The following ADARB2 variants were observed in gnomAD, a reference collection of about 807,000 sequenced individuals.
ADARB2 encodes adenosine deaminase RNA specific B2 (inactive), also known as inactive double-stranded RNA-specific editase B2.
In ADARB2, 25 loss-of-function variants were observed where a neutral mutation model predicts 62.2. The ratio of observed to expected loss-of-function variants is 0.40; its 90% confidence interval spans 0.29 to 0.56. The LOEUF (loss-of-function observed/expected upper bound fraction) is 0.56. Among genes scored for constraint, ADARB2 ranks in the 20% least tolerant of loss-of-function variants. ADARB2 has a pLI of 0.43. For missense variants in ADARB2, 1,071 were observed against 1,077.4 expected (o/e 0.99, Z 0.08); for synonymous variants, 572 against 500.8 (o/e 1.14, Z -1.90).
At chr10:1,663,224 G>A (rs1236754314) in intron 1 of ADARB2, among the ~76,000 whole-genome samples, 1 of 152,230 alleles carries the variant, frequency 6.6e-6, no homozygotes, top group African/African-American at 2.4e-5. Context: ...CTTGTACACA[G>A]TTTGTCCTAC....
At chr10:1,473,848 A>G (rs973214186) in intron 1 of ADARB2, among the ~76,000 whole-genome samples, 16 of 152,220 alleles carry the variant, frequency 1.1e-4, no homozygotes, top group African/African-American at 3.9e-4. Context: ...CCAGGATGGA[A>G]AGTGTAAGAA....
intron 1 of ADARB2, among the ~76,000 whole-genome samples, chr10:1,510,991 T>G (rs976103955): frequency 1.3e-5 from 2 of 152,224 alleles, no homozygotes; most frequent in African/African-American, 4.8e-5. Context: ...TAGCTGGGAC[T>G]ATAGGTGCAT....
At chr10:1,343,434 T>A (rs111716009) in intron 3 of ADARB2, among the ~76,000 whole-genome samples, 3,623 of 152,290 alleles carry the variant, frequency 0.024, 83 homozygotes, top group East Asian at 0.11. Flanking sequence ...GGAATGTAGA[T>A]TAGCTCGGCC....
intron 1 of ADARB2, among the ~76,000 whole-genome samples, chr10:1,643,439 A>G (rs1355473356): frequency 6.6e-6 from 1 of 152,242 alleles, no homozygotes; most frequent in Non-Finnish European, 1.5e-5. Context: ...CTGGAGGGCT[A>G]GAGGCCACTC....
At chr10:1,519,365 A>G (rs1332383437) in intron 1 of ADARB2, among the ~76,000 whole-genome samples, 1 of 152,214 alleles carries the variant, frequency 6.6e-6, no homozygotes, top group Non-Finnish European at 1.5e-5. Flanking sequence ...ATACACATGC[A>G]TTCTGTGTAA....
At chr10:1,496,620 T>TTCA (rs542628077) in intron 1 of ADARB2, among the ~76,000 whole-genome samples, 49 of 151,878 alleles carry the variant, frequency 3.2e-4, no homozygotes, top group East Asian at 2.9e-3. Context: ...TTATCATCAT[T>TTCA]TCATCATCAT....
intron 1 of ADARB2, among the ~76,000 whole-genome samples, chr10:1,632,852 G>T (rs7073815): frequency 0.27 from 40,808 of 152,104 alleles, 5,737 homozygotes; most frequent in African/African-American, 0.34. Flanking sequence ...GCTGCCCAGG[G>T]GGCTGGTCAA....
intron 7 of ADARB2, among the ~76,000 whole-genome samples, chr10:1,207,162 C>T (rs1452857640): frequency 2.0e-5 from 3 of 152,068 alleles, no homozygotes; most frequent in African/African-American, 4.8e-5. Flanking sequence ...GCCTGGCCAA[C>T]GTGGCGAAAC....
chr10:1,516,316 G>T (rs1020657639), intron 1 of ADARB2, among the ~76,000 whole-genome samples: 1 of 152,182 alleles, frequency 6.6e-6, no homozygotes, highest in Non-Finnish European at 1.5e-5. Context: ...GCTCTGACAG[G>T]TGTGTTTAAC....
intron 1 of ADARB2, among the ~76,000 whole-genome samples, chr10:1,505,163 A>T (rs1831825056): frequency 6.6e-6 from 1 of 151,974 alleles, no homozygotes; most frequent in South Asian, 2.1e-4. Flanking sequence ...CACGCAAAAC[A>T]CACATGAACA....
intron 1 of ADARB2, among the ~76,000 whole-genome samples, chr10:1,544,985 A>ACACACACACACACACACACC (rs10523350): frequency 1.3e-5 from 2 of 151,874 alleles, no homozygotes; most frequent in African/African-American, 4.8e-5. Flanking sequence ...ACACACACAC[A>ACACACACACACACACACACC]ATGTCCCTTG....
In ADARB2 at chr10:1,363,040, C is replaced by A; in HGVS notation, c.1065G>T (p.Thr355=). The A allele has an allele frequency of 1.4e-6, 2 of 1,398,540 alleles. No individual in the cohort carries two copies. The highest frequency in any genetic ancestry group is 9.3e-7 in the Non-Finnish European group (1 of 1,075,048). The allele number at this position is 1,398,540 out of a possible 1,614,324, so 86.6% of individuals were successfully genotyped here. A position where few individuals can be genotyped will look rare whatever the true frequency, so the allele number is the denominator to read the frequency against. ...CCGCGCCCCTCACCTGCGGCATTGGCGTCCTCCTGGCCCTGCCGGGCGCGT... is the reference window on the plus strand; with the variant it reads ...CCGCGCCCCTCACCTGCGGCATTGGAGTCCTCCTGGCCCTGCCGGGCGCGT... ...PGHAPGRARR[T]PMPQEFADSI... Residue 355 remains threonine, a synonymous_variant, in exon 3 of 10, where the codon ACG becomes ACT. Transcript: ENST00000381312.
At chr10:1,455,867 G>A (rs931068070) in intron 1 of ADARB2, among the ~76,000 whole-genome samples, 7 of 152,072 alleles carry the variant, frequency 4.6e-5, no homozygotes, top group African/African-American at 1.7e-4. Context: ...ACACAAATAC[G>A]TCTTCCATGA....
At chr10:1,630,956 AAAACAAACAAAC>A (rs57053077) in intron 1 of ADARB2, among the ~76,000 whole-genome samples, 2,291 of 149,474 alleles carry the variant, frequency 0.015, 33 homozygotes, top group East Asian at 0.041. Context: ...CTCCTTCTCA[AAAACAAACAAAC>A]AAACAAACAA....
At chr10:1,559,360 C>G (rs946786622) in intron 1 of ADARB2, among the ~76,000 whole-genome samples, 5 of 152,108 alleles carry the variant, frequency 3.3e-5, no homozygotes, top group Non-Finnish European at 7.3e-5. Context: ...TGCTAACGTG[C>G]GTGGTGAGGT....
intron 5 of ADARB2, among the ~76,000 whole-genome samples, chr10:1,241,079 T>G (rs1461228716): frequency 2.0e-5 from 3 of 152,222 alleles, no homozygotes; most frequent in Admixed American, 2.0e-4. Context: ...GACAACGTGA[T>G]GAAACCCCGT....
chr10:1,511,842 C>T (rs558359024), intron 1 of ADARB2, among the ~76,000 whole-genome samples: 10 of 148,384 alleles, frequency 6.7e-5, no homozygotes, highest in South Asian at 4.4e-4. Context: ...ACTAAGACAT[C>T]GATGCTGTCT....
At chr10:1,358,164 A>T (rs918701792) in intron 3 of ADARB2, among the ~76,000 whole-genome samples, 1 of 152,198 alleles carries the variant, frequency 6.6e-6, no homozygotes, top group Non-Finnish European at 1.5e-5. Flanking sequence ...GATTGAAGCA[A>T]TCCCAATAAT....
intron 1 of ADARB2, chr10:1,556,469 T>C (rs1832705552): frequency 2.8e-6 from 1 of 357,548 alleles, no homozygotes; most frequent in Non-Finnish European, 5.6e-6. Context: ...TGTCTCTAAA[T>C]ATTCCCTTCC....
Sources: gnomAD v4.1 joint callset for allele counts (sites outside exome capture counted in the v4.1 genomes callset) on GRCh38, gnomAD v4.1.1 for gene constraint, MANE v1.5 for transcripts, NCBI Gene and HGNC (gene_info 2026-07-23, HGNC 2026-07-21) for gene names.